KLHL13: variants seen among roughly 807,000 people sequenced by gnomAD.
KLHL13 encodes kelch-like protein 13.
Under a neutral mutation model 37.1 loss-of-function variants are expected in KLHL13, and 10 were observed. The ratio of observed to expected loss-of-function variants is 0.27; its 90% CI spans 0.17 to 0.46. KLHL13 has a LOEUF of 0.46. Among genes scored for constraint, KLHL13 ranks in the 20% least tolerant of loss-of-function variants. The pLI is 1.00. For missense variants in KLHL13, 360 were observed against 509.3 expected (o/e 0.71, Z 2.82); for synonymous variants, 163 against 181.2 (o/e 0.90, Z 0.81).
chrX:118,031,144 C>T (rs1274480991), intron 1 of KLHL13, among the ~76,000 whole-genome samples: 1 of 110,502 alleles, frequency 9.0e-6, no homozygotes. Context: ...GACCAGGTAC[C>T]TCCAAGTCTT....
At chrX:118,081,862 A>T (rs952734696) in intron 1 of KLHL13, among the ~76,000 whole-genome samples, 2 of 110,518 alleles carry the variant, frequency 1.8e-5, no homozygotes, top group African/African-American at 6.6e-5. Context: ...TATTTCACTT[A>T]ACATAATGAC....
At chrX:117,974,556 A>C (rs758657441), upstream of KLHL13, among the ~76,000 whole-genome samples, 1 of 111,976 alleles carries the variant, frequency 8.9e-6, no homozygotes, top group South Asian at 3.7e-4. Context: ...GTAAGGAACT[A>C]TTTTCAAAAA....
intron 2 of KLHL13, among the ~76,000 whole-genome samples, chrX:117,931,990 C>T (rs1490149673): frequency 9.0e-6 from 1 of 111,107 alleles, no homozygotes; most frequent in East Asian, 2.8e-4. Flanking sequence ...CTTTCTCTAT[C>T]CCAGGGCTAA....
intron 1 of KLHL13, among the ~76,000 whole-genome samples, chrX:117,966,612 A>C (rs1474647625): frequency 1.8e-5 from 2 of 111,338 alleles, no homozygotes; most frequent in African/African-American, 6.5e-5. Context: ...GTCAATCCTA[A>C]GCCAAAAGAA....
At chrX:118,003,703 A>T (rs1173175455) in intron 1 of KLHL13, among the ~76,000 whole-genome samples, 1 of 111,113 alleles carries the variant, frequency 9.0e-6, no homozygotes, top group Non-Finnish European at 1.9e-5. Context: ...CAGAATTTAT[A>T]GGAACTACAA....
In KLHL13 at chrX:118,051,734, A is replaced by G. The variant is rs185021923; in HGVS notation, c.-56+64774T>C. On this transcript the variant is annotated intron_variant, in intron 1 of 6. Transcript: ENST00000371882. Reference sequence around the variant, plus strand: ...TCCCTCAAATTGAATACACAAATTCAATACAATTACAATCAAATTCCCTAA... The same window carrying G: ...TCCCTCAAATTGAATACACAAATTCGATACAATTACAATCAAATTCCCTAA... Among the ~76,000 whole-genome samples, 313 of 111,070 alleles carry G rather than the reference A, an allele frequency of 2.8e-3. 1 individual carries two copies. Among genetic ancestry groups the G allele is most frequent in the Non-Finnish European group, 5.2e-3 (274 of 53,026 alleles).
At chrX:117,975,777 G>A (rs1221824232), upstream of KLHL13, among the ~76,000 whole-genome samples, 1 of 112,115 alleles carries the variant, frequency 8.9e-6, no homozygotes, top group Non-Finnish European at 1.9e-5. Context: ...TGTCTATGAA[G>A]ACTTCTCAAA....
chrX:118,089,608 G>GAGAGAGAGAGAA (rs2055097128), intron 1 of KLHL13, among the ~76,000 whole-genome samples: 1 of 59,629 alleles, frequency 1.7e-5, no homozygotes, highest in African/African-American at 7.4e-5. Flanking sequence ...GAGAGAGAGA[G>GAGAGAGAGAGAA]AGAGAAAGAA....
At position 117,924,399 on chromosome X, in the gene KLHL13, T is replaced by G. The variant is rs1237138670; in HGVS notation, c.241-4029A>C. ...CTCATCTGCCTTCTATATATCTACT[T>G]TTTGCTTTCACTCATAAATCTTTTC... On this transcript the variant is annotated intron_variant, in intron 2 of 6. Transcript: ENST00000262820. 2.7e-5 allele frequency among the ~76,000 whole-genome samples: 3 copies of G among 112,016 alleles called. No individual in the cohort carries two copies. In the East Asian group the frequency reaches 8.4e-4, roughly 31 times the overall value.
intron 2 of KLHL13, 102 bp from the exon 4 acceptor site, chrX:117,920,472 G>T: frequency 1.2e-6 from 1 of 820,609 alleles, no homozygotes; most frequent in Non-Finnish European, 1.7e-6. Flanking sequence ...CAACATATGT[G>T]GAACATAAAG....
rs1426379768 is a variant in KLHL13 at position 117,943,838 on chromosome X, A to C, written c.240+1596T>G. Among the ~76,000 whole-genome samples, 3 of 110,128 alleles carry C rather than the reference A, an allele frequency of 2.7e-5. No homozygotes were observed. In the East Asian group the frequency reaches 8.6e-4, roughly 32 times the overall value. ...TAAAGCCTACTTCTGTCAGTTTGTC[A>C]AACTCATTCTCTGTCCACTTTTGTT... On this transcript the variant is annotated intron_variant, in intron 2 of 6. Coordinates refer to ENST00000262820, the Ensembl canonical transcript of KLHL13.
At chrX:117,955,930 TCA>T (rs1158249431) in intron 1 of KLHL13, among the ~76,000 whole-genome samples, 2 of 111,605 alleles carry the variant, frequency 1.8e-5, no homozygotes, top group East Asian at 5.7e-4. Context: ...ATCTACATAT[TCA>T]CAGTTACCAT....
chrX:118,057,825 CA>C (rs1175154140), intron 1 of KLHL13, among the ~76,000 whole-genome samples: 73 of 91,781 alleles, frequency 8.0e-4, no homozygotes, highest in African/African-American at 2.0e-3. Context: ...GAGTCCATTT[CA>C]AAAAAAAAAA....
At chrX:118,017,098 C>A (rs1303184892) in intron 1 of KLHL13, among the ~76,000 whole-genome samples, 5 of 111,200 alleles carry the variant, frequency 4.5e-5, no homozygotes, top group African/African-American at 1.6e-4. Flanking sequence ...ATCTTTCTAG[C>A]AGTATAAGGC....
At chrX:118,105,040 G>A (rs1465759911) in intron 1 of KLHL13, among the ~76,000 whole-genome samples, 1 of 112,099 alleles carries the variant, frequency 8.9e-6, no homozygotes, top group Non-Finnish European at 1.9e-5. Flanking sequence ...TTTTTTTCCA[G>A]TTTAAAATAA....
intron 1 of KLHL13, among the ~76,000 whole-genome samples, chrX:117,962,020 A>T (rs1328004873): frequency 2.0e-5 from 2 of 98,968 alleles, no homozygotes; most frequent in African/African-American, 9.1e-5. Flanking sequence ...GCCTGGTAAC[A>T]CAGCGAGACC....
intron 1 of KLHL13, among the ~76,000 whole-genome samples, chrX:117,995,177 T>C (rs984814015): frequency 1.8e-5 from 2 of 112,466 alleles, no homozygotes; most frequent in Non-Finnish European, 3.8e-5. Context: ...GTCATATCAG[T>C]ACCATCTTAT....
At chrX:118,085,512 G>T (rs1317661237) in intron 1 of KLHL13, among the ~76,000 whole-genome samples, 4 of 109,920 alleles carry the variant, frequency 3.6e-5, no homozygotes, top group Non-Finnish European at 5.7e-5. Flanking sequence ...TGACGTCTAG[G>T]CTTTTAGTGT....
At chrX:118,054,324 C>CA (rs1186782735) in intron 1 of KLHL13, among the ~76,000 whole-genome samples, 1 of 111,101 alleles carries the variant, frequency 9.0e-6, no homozygotes, top group Non-Finnish European at 1.9e-5. Context: ...TATCTTAAAA[C>CA]AAAAATGCCT....
Sources: gnomAD v4.1 joint callset for allele counts (sites outside exome capture counted in the v4.1 genomes callset) on GRCh38, gnomAD v4.1.1 for gene constraint, MANE v1.5 for transcripts, NCBI Gene and HGNC (gene_info 2026-07-23, HGNC 2026-07-21) for gene names.